The following SAMD4A variants were observed in gnomAD, a reference collection of about 807,000 sequenced individuals.
SAMD4A encodes protein Smaug homolog 1.
In SAMD4A, 33 loss-of-function variants were observed where a neutral mutation model predicts 81.3. The observed-to-expected ratio is 0.41, with a 90% CI of 0.31 to 0.54. The LOEUF (loss-of-function observed/expected upper bound fraction) is 0.54, where lower values mean the gene tolerates loss of function less well. Ranked by LOEUF, SAMD4A falls within the 20% of genes least tolerant of loss-of-function variation. SAMD4A has a pLI of 0.37. For synonymous variants in SAMD4A, 389 were observed against 382.1 expected (o/e 1.02, Z -0.21); for missense variants, 854 against 951.1 (o/e 0.90, Z 1.34).
chr14:54,702,100 G>T lies in SAMD4A; in HGVS notation c.235G>T (p.Val79Leu). The change falls in exon 3 of 13, where the codon GTG becomes TTG. Residue 79 changes from valine (V) to leucine (L), a missense_variant. By Grantham distance (32) the Val-to-Leu change is conservative. This residue lies in a region of SAMD4A where 387 missense variants were observed against 405.8 expected (regional missense o/e 0.95). Transcript: ENST00000554335. ...ATGGCAACAGGAATCCAAGGATAAA[G>T]TGATTTCCCTCCTGTTAACTCATCT... ...NQWQQESKDK[V>L]ISLLLTHLPL... The T allele has an allele frequency of 6.2e-7, 1 of 1,614,146 alleles. No homozygotes were observed. Among genetic ancestry groups the T allele is most frequent in the South Asian group, 1.1e-5 (1 of 91,080 alleles).
intron 11 of SAMD4A, among the ~76,000 whole-genome samples, chr14:54,782,626 T>C (rs1325009377): frequency 6.6e-6 from 1 of 152,188 alleles, no homozygotes; most frequent in Non-Finnish European, 1.5e-5. Flanking sequence ...TCCAAACCCA[T>C]CGATGCCGGA....
At chr14:54,678,481 G>C (rs1274180930) in intron 2 of SAMD4A, among the ~76,000 whole-genome samples, 7 of 81,494 alleles carry the variant, frequency 8.6e-5, no homozygotes, top group Non-Finnish European at 1.9e-4. Flanking sequence ...GTGTGTGTGT[G>C]TGTGTGTGTG....
At chr14:54,632,783 C>T (rs1045612480) in intron 2 of SAMD4A, among the ~76,000 whole-genome samples, 1 of 152,194 alleles carries the variant, frequency 6.6e-6, no homozygotes, top group Admixed American at 6.5e-5. Context: ...CTTAAGCTCA[C>T]TCTGTTTTAA....
intron 6 of SAMD4A, among the ~76,000 whole-genome samples, chr14:54,759,490 G>GCCCCGAC (rs1294114524): frequency 6.6e-6 from 1 of 152,180 alleles, no homozygotes; most frequent in Middle Eastern, 3.2e-3. Context: ...CCTCATAGCA[G>GCCCCGAC]CCCCGACCCG....
intron 2 of SAMD4A, among the ~76,000 whole-genome samples, chr14:54,604,120 G>A (rs1414803054): frequency 1.3e-5 from 2 of 152,174 alleles, no homozygotes; most frequent in African/African-American, 4.8e-5. Context: ...ACCATGCTTG[G>A]CCCCATTATT....
At chr14:54,592,525 TC>T (rs2033806313) in intron 2 of SAMD4A, among the ~76,000 whole-genome samples, 1 of 152,218 alleles carries the variant, frequency 6.6e-6, no homozygotes, top group Non-Finnish European at 1.5e-5. Flanking sequence ...AGTGGTGCGA[TC>T]TCGGCTCACT....
chr14:54,576,472 T>C (rs957625018), intron 2 of SAMD4A, among the ~76,000 whole-genome samples: 4 of 152,184 alleles, frequency 2.6e-5, no homozygotes, highest in African/African-American at 9.7e-5. Flanking sequence ...TTTTGCACAT[T>C]GTAGGCATCT....
rs568977574 is a variant in SAMD4A at position 54,689,022 on chromosome 14, C to G, written c.197-13040C>G. Among the ~76,000 whole-genome samples the G allele has an allele frequency of 2.7e-5, 4 of 145,898 alleles. No individual in the cohort carries two copies. The South Asian group carries it at 8.9e-4, about 32-fold the overall frequency. On this transcript the variant is annotated intron_variant, in intron 2 of 12. Coordinates refer to ENST00000554335, the MANE Select transcript of SAMD4A (RefSeq NM_015589.6). ...TCTTGGCTCACTGCAAACTCCTTCT[C>G]CCGAGTTCAAGCGATTCTTCTGCCT...
intron 11 of SAMD4A, among the ~76,000 whole-genome samples, chr14:54,781,566 G>A (rs1419487951): frequency 6.6e-6 from 1 of 152,252 alleles, no homozygotes; most frequent in Non-Finnish European, 1.5e-5. Context: ...GAAGAAACAT[G>A]CCTCCTTTGG....
chr14:54,573,038 T>G (rs542015561), intron 2 of SAMD4A, among the ~76,000 whole-genome samples: 18 of 152,332 alleles, frequency 1.2e-4, no homozygotes, highest in Admixed American at 2.6e-4. Context: ...CAACACTTTT[T>G]CCTTCAGTTG....
intron 4 of SAMD4A, among the ~76,000 whole-genome samples, chr14:54,741,791 G>T (rs531484069): frequency 3.3e-5 from 5 of 152,164 alleles, no homozygotes; most frequent in Non-Finnish European, 5.9e-5. Context: ...AATAGTAAGT[G>T]AAGGAAGGGC....
intron 11 of SAMD4A, among the ~76,000 whole-genome samples, chr14:54,783,903 G>A (rs543313990): frequency 1.3e-5 from 2 of 152,328 alleles, no homozygotes; most frequent in African/African-American, 4.8e-5. Flanking sequence ...CTCCAATGAG[G>A]TGAGCACTCA....
chr14:54,609,079 G>A (rs2034291330), intron 2 of SAMD4A, among the ~76,000 whole-genome samples: 1 of 152,196 alleles, frequency 6.6e-6, no homozygotes, highest in African/African-American at 2.4e-5. Context: ...CTGTGAAAAT[G>A]TTATGTTACA....
intron 2 of SAMD4A, among the ~76,000 whole-genome samples, chr14:54,684,210 T>C (rs2140595488): frequency 6.6e-6 from 1 of 152,304 alleles, no homozygotes; most frequent in African/African-American, 2.4e-5. Flanking sequence ...CTAGAAAAGC[T>C]CCTTGCTTGT....
intron 4 of SAMD4A, among the ~76,000 whole-genome samples, 196 bp downstream of exon 4, chr14:54,737,483 G>A (rs1334882722): frequency 6.7e-6 from 1 of 149,670 alleles, no homozygotes; most frequent in Non-Finnish European, 1.5e-5. Context: ...AGTGCTTCTT[G>A]CCAAAATCTG....
intron 2 of SAMD4A, among the ~76,000 whole-genome samples, chr14:54,628,320 T>C (rs2034814509): frequency 6.6e-6 from 1 of 152,132 alleles, no homozygotes; most frequent in Non-Finnish European, 1.5e-5. Flanking sequence ...GTCTAGGTGG[T>C]GCTGCTTGGA....
At chr14:54,580,405 C>T (rs905187633) in intron 2 of SAMD4A, among the ~76,000 whole-genome samples, 8 of 152,146 alleles carry the variant, frequency 5.3e-5, no homozygotes, top group Admixed American at 1.3e-4. Context: ...GATTAGCCCT[C>T]GTATTTTGAA....
intron 2 of SAMD4A, among the ~76,000 whole-genome samples, chr14:54,683,982 T>G (rs1224185269): frequency 1.3e-5 from 2 of 152,182 alleles, no homozygotes; most frequent in African/African-American, 4.8e-5. Context: ...CTGGCTCAGA[T>G]ATTAATAGAA....
At chr14:54,698,580 T>A (rs117431613) in intron 2 of SAMD4A, among the ~76,000 whole-genome samples, 85 of 152,262 alleles carry the variant, frequency 5.6e-4, no homozygotes, top group Non-Finnish European at 1.0e-3. Flanking sequence ...CTTAGAAGAG[T>A]GCCTGGCACT....
Sources: gnomAD v4.1 joint callset for allele counts (sites outside exome capture counted in the v4.1 genomes callset) on GRCh38, gnomAD v4.1.1 for gene constraint, gnomAD v4.1.1 regional missense constraint, MANE v1.5 for transcripts, NCBI Gene and HGNC (gene_info 2026-07-23, HGNC 2026-07-21) for gene names.